Variants in CDKAL1 observed in about 807,000 individuals in gnomAD.
CDKAL1 encodes CDKAL1 threonylcarbamoyladenosine tRNA methylthiotransferase, also known as threonylcarbamoyladenosine tRNA methylthiotransferase.
A neutral mutation model predicts 68.2 loss-of-function variants in CDKAL1; 32 were observed. That is an observed-to-expected ratio of 0.47 (90% CI 0.35 to 0.63). The LOEUF is 0.63. CDKAL1 is among the 30% of genes least tolerant of loss of function. The pLI is 0.00. For synonymous variants in CDKAL1, 234 were observed against 244.3 expected (o/e 0.96, Z 0.39); for missense variants, 606 against 696.7 (o/e 0.87, Z 1.47).
chr6:21,208,693 C>T (rs544348647), intron 15 of CDKAL1, among the ~76,000 whole-genome samples: 58 of 152,040 alleles, frequency 3.8e-4, no homozygotes, highest in African/African-American at 1.3e-3. Flanking sequence ...AACCATAGTA[C>T]GTTTAATATT....
At chr6:20,959,105 A>G (rs1265113556) in intron 10 of CDKAL1, among the ~76,000 whole-genome samples, 3 of 152,226 alleles carry the variant, frequency 2.0e-5, no homozygotes, top group Non-Finnish European at 4.4e-5. Flanking sequence ...GTGGCACTTT[A>G]TATAGCAAAT....
intron 4 of CDKAL1, among the ~76,000 whole-genome samples, chr6:20,566,336 T>C (rs895385078): frequency 2.0e-5 from 3 of 152,192 alleles, no homozygotes; most frequent in Admixed American, 6.5e-5. Context: ...TAATATGTTA[T>C]AGCTTTTTAA....
At chr6:20,829,555 T>C (rs768488019) in intron 8 of CDKAL1, among the ~76,000 whole-genome samples, 1 of 152,226 alleles carries the variant, frequency 6.6e-6, no homozygotes, top group Non-Finnish European at 1.5e-5. Context: ...ACCTTAGTCA[T>C]ATGGGTTAAA....
chr6:20,656,490 T>C (rs1769031133), intron 5 of CDKAL1, among the ~76,000 whole-genome samples: 1 of 152,088 alleles, frequency 6.6e-6, no homozygotes, highest in South Asian at 2.1e-4. Flanking sequence ...TGCTTTTTTT[T>C]TTTAATGAGA....
At chr6:20,666,803 T>A (rs1430335369) in intron 5 of CDKAL1, among the ~76,000 whole-genome samples, 2 of 152,066 alleles carry the variant, frequency 1.3e-5, no homozygotes, top group African/African-American at 4.8e-5. Context: ...CTGGATTCTG[T>A]TTGCCACTGT....
chr6:21,073,103 T>C (rs1037693171), intron 12 of CDKAL1, among the ~76,000 whole-genome samples: 3 of 152,186 alleles, frequency 2.0e-5, no homozygotes, highest in African/African-American at 7.2e-5. Context: ...GATTGGCTTT[T>C]TTTGCTTAGT....
chr6:21,185,961 A>G (rs1441054626), intron 13 of CDKAL1, among the ~76,000 whole-genome samples: 1 of 152,078 alleles, frequency 6.6e-6, no homozygotes, highest in Non-Finnish European at 1.5e-5. Context: ...ATGCAGGTGC[A>G]CAGTAATACA....
intron 4 of CDKAL1, among the ~76,000 whole-genome samples, chr6:20,643,653 A>G (rs937156612): frequency 1.3e-5 from 2 of 152,100 alleles, no homozygotes; most frequent in African/African-American, 4.8e-5. Context: ...TTTCTGTGTT[A>G]TTTCATAAAT....
chr6:20,821,001 T>G (rs1227606405), intron 8 of CDKAL1, among the ~76,000 whole-genome samples: 1 of 151,602 alleles, frequency 6.6e-6, no homozygotes, highest in Non-Finnish European at 1.5e-5. Context: ...GTCTGAAATA[T>G]GCAGGAAGTG....
intron 8 of CDKAL1, among the ~76,000 whole-genome samples, chr6:20,782,315 T>C (rs1775465465): frequency 6.6e-6 from 1 of 152,212 alleles, no homozygotes; most frequent in African/African-American, 2.4e-5. Context: ...GCATCTGGCC[T>C]TCAGCGTTGA....
At chr6:20,772,425 C>T (rs983597213) in intron 7 of CDKAL1, among the ~76,000 whole-genome samples, 3 of 152,276 alleles carry the variant, frequency 2.0e-5, no homozygotes, top group South Asian at 4.1e-4. Flanking sequence ...GATAAATTGA[C>T]ACCACATAAG....
At chr6:20,721,725 G>GTTTTTTTTTTTTTTTTTTTTTTT (rs145893325) in intron 5 of CDKAL1, among the ~76,000 whole-genome samples, 3 of 67,382 alleles carry the variant, frequency 4.5e-5, no homozygotes, top group Non-Finnish European at 8.0e-5. Flanking sequence ...ACCAACTTCT[G>GTTTTTTTTTTTTTTTTTTTTTTT]TTTTTTTTTT....
chr6:21,152,755 A>T (rs1776470372), intron 13 of CDKAL1, among the ~76,000 whole-genome samples: 1 of 152,224 alleles, frequency 6.6e-6, no homozygotes, highest in Non-Finnish European at 1.5e-5. Context: ...GTTTTCAAAA[A>T]CTGAATTACT....
rs567456077 is a variant in CDKAL1 at position 20,998,473 on chromosome 6, G to T, written c.910-1754G>T. On this transcript the variant is annotated intron_variant, in intron 10 of 15. Coordinates refer to ENST00000274695, the MANE Select transcript of CDKAL1 (RefSeq NM_017774.3). ...CTAAAACCACAAAAATTAGCTGGGC[G>T]TGGTGGCACATGCCTGTAATCCCAG... Among the ~76,000 whole-genome samples, 257 of 152,260 alleles carry T rather than the reference G, an allele frequency of 1.7e-3. 9 individuals are homozygous for T. In the South Asian group the frequency reaches 0.05, roughly 30 times the overall value.
intron 12 of CDKAL1, among the ~76,000 whole-genome samples, chr6:21,090,751 G>A (rs1445846276): frequency 2.0e-5 from 3 of 150,832 alleles, no homozygotes; most frequent in Admixed American, 6.6e-5. Flanking sequence ...TGTCATATGT[G>A]TATGTGTGAA....
At chr6:21,031,207 C>T (rs1769266117) in intron 11 of CDKAL1, among the ~76,000 whole-genome samples, 1 of 150,542 alleles carries the variant, frequency 6.6e-6, no homozygotes, top group African/African-American at 2.5e-5. Flanking sequence ...CTGCTAGCTG[C>T]TGGCTGGGAC....
intron 13 of CDKAL1, among the ~76,000 whole-genome samples, chr6:21,120,540 C>T (rs974228177): frequency 6.6e-6 from 1 of 152,162 alleles, no homozygotes; most frequent in African/African-American, 2.4e-5. Flanking sequence ...GTAACCTTAT[C>T]CTAGAGACCC....
chr6:20,666,160 G>T (rs1769532114), intron 5 of CDKAL1, among the ~76,000 whole-genome samples: 1 of 151,998 alleles, frequency 6.6e-6, no homozygotes, highest in Non-Finnish European at 1.5e-5. Context: ...TATCCAAAGG[G>T]CATAAACAGG....
rs780144368 is a variant in CDKAL1 at position 20,846,091 on chromosome 6, A to G, written c.655A>G (p.Thr219Ala). The G allele has an allele frequency of 1.2e-6, 2 of 1,611,924 alleles. No homozygotes were observed. Among genetic ancestry groups the G allele is most frequent in the Admixed American group, 1.7e-5 (1 of 59,932 alleles). Reference protein sequence around the residue: ...SINTGCLNACTYCKTKHARGN... With the variant: ...SINTGCLNACAYCKTKHARGN... ...TTTGAACAGGTGTCTCAATGCTTGT[A>G]CCTACTGCAAAACTAAACACGCCAG... Residue 219 changes from threonine to alanine, a missense_variant, in exon 9 of 16, where the codon ACC becomes GCC. Physicochemically the swap from Thr to Ala is moderately conservative, Grantham distance 58. Coordinates refer to ENST00000274695, the MANE Select transcript of CDKAL1 (RefSeq NM_017774.3).
Sources: gnomAD v4.1 joint callset for allele counts (sites outside exome capture counted in the v4.1 genomes callset) on GRCh38, gnomAD v4.1.1 for gene constraint, MANE v1.5 for transcripts, NCBI Gene and HGNC (gene_info 2026-07-23, HGNC 2026-07-21) for gene names.